The following GNAS variants were observed in gnomAD, a reference collection of about 807,000 sequenced individuals.
GNAS encodes protein ALEX.
In GNAS, 8 loss-of-function variants were observed where a neutral mutation model predicts 54.5. The ratio of observed to expected loss-of-function variants is 0.15; its 90% CI spans 0.09 to 0.26. The LOEUF (loss-of-function observed/expected upper bound fraction) is 0.26, where lower values mean the gene tolerates loss of function less well. Ranked by LOEUF, GNAS falls within the 10% of genes least tolerant of loss-of-function variation. The pLI is 1.00. For synonymous variants in GNAS, 204 were observed against 191.4 expected (o/e 1.07, Z -0.54); for missense variants, 170 against 529.8 (o/e 0.32, Z 6.67).
chr20:58,881,755 A>C (rs749600688), intron 1 of GNAS: 10 of 152,186 alleles, frequency 6.6e-5, no homozygotes, highest in African/African-American at 9.7e-5. Flanking sequence ...GTGAAGGGCT[A>C]GTTTTCCAGA....
At chr20:58,904,157 A>C (rs905069550) in intron 5 of GNAS, among the ~76,000 whole-genome samples, 2 of 152,152 alleles carry the variant, frequency 1.3e-5, no homozygotes, top group Non-Finnish European at 2.9e-5. Context: ...TTATTCCCTC[A>C]TTCACATCTT....
At chr20:58,855,881 C>T in intron 1 of GNAS, 1 of 546,238 alleles carries the variant, frequency 1.8e-6, no homozygotes, top group Non-Finnish European at 3.2e-6. Flanking sequence ...AAATTACCCG[C>T]CGACTGTGTA....
chr20:58,844,780 A>G (rs1343456029), intron 1 of GNAS, among the ~76,000 whole-genome samples: 3 of 151,904 alleles, frequency 2.0e-5, no homozygotes, highest in African/African-American at 7.3e-5. Flanking sequence ...CCCGGCCTAC[A>G]GTGTGAGACT....
intron 1 of GNAS, chr20:58,854,258 G>C: frequency 2.5e-6 from 4 of 1,613,070 alleles, no homozygotes; most frequent in Non-Finnish European, 2.5e-6. Context: ...CCCCAATCGC[G>C]CTTGACGGCC....
rs764619253 is a variant in GNAS, at chr20:58,853,843, G to A, written c.43+12957G>A. The A allele has an allele frequency of 6.3e-6, 10 of 1,595,664 alleles. No individual in the cohort carries two copies. Among genetic ancestry groups the A allele is most frequent in the Middle Eastern group, 1.7e-4 (1 of 6,054 alleles). On this transcript the variant is annotated intron_variant, in intron 1 of 12. Transcript: ENST00000306090. The surrounding 1 kb of genome is among the most constrained non-coding windows in gnomAD (Gnocchi z 4.4). ...GCTCCAGGAGGCCCAGGTGCTGCAGGGGTCCCCGGAGCTCCTCCCGAGGAG... is the reference window on the plus strand; with the variant it reads ...GCTCCAGGAGGCCCAGGTGCTGCAGAGGTCCCCGGAGCTCCTCCCGAGGAG...
Position 58,841,353 on chromosome 20 carries a change from T to A in GNAS, c.43+467T>A, listed in dbSNP as rs1157949549. 2.9e-6 allele frequency: 3 copies of A among 1,048,760 alleles called. No individual in the cohort carries two copies. The highest frequency in any genetic ancestry group is 3.5e-6 in the Non-Finnish European group (3 of 869,130). The allele number at this position is 1,048,760 out of a possible 1,614,324, so 65.0% of individuals were successfully genotyped here. A position where few individuals can be genotyped will look rare whatever the true frequency, so the allele number is the denominator to read the frequency against. ...TTTCACGATGTGAGAGCAGCCGCGC[T>A]GTAGAGACACCGTTGAAATGTGCGG... On this transcript the variant is annotated intron_variant, in intron 1 of 12. Transcript: ENST00000306090. The surrounding 1 kb of genome is among the most constrained non-coding windows in gnomAD (Gnocchi z 5.0).
intron 3 of GNAS, among the ~76,000 whole-genome samples, chr20:58,899,301 A>G (rs1601071039): frequency 6.6e-6 from 1 of 152,276 alleles, no homozygotes; most frequent in African/African-American, 2.4e-5. Flanking sequence ...GTTTTCCCCC[A>G]GCTCTCCATT....
At chr20:58,860,342 T>TTTTTG (rs531282450) in intron 1 of GNAS, among the ~76,000 whole-genome samples, 28 of 152,160 alleles carry the variant, frequency 1.8e-4, no homozygotes, top group East Asian at 9.6e-4. Context: ...TTTTTTGGTT[T>TTTTTG]TTTTGTTTTG....
intron 6 of GNAS, among the ~76,000 whole-genome samples, chr20:58,907,877 C>A (rs915718921): frequency 2.0e-4 from 30 of 152,210 alleles, no homozygotes; most frequent in Middle Eastern, 3.2e-3. Flanking sequence ...ATTTCTTAAG[C>A]TGTCTATTTT....
chr20:58,901,266 C>A (rs1437688097), intron 3 of GNAS, among the ~76,000 whole-genome samples: 1 of 152,132 alleles, frequency 6.6e-6, no homozygotes, highest in Non-Finnish European at 1.5e-5. Flanking sequence ...TAATTTATAA[C>A]ATCTAAATAA....
Position 58,910,505 on chromosome 20 carries a change from T to C in GNAS, c.1038+104T>C. 1 of 1,153,908 alleles carries C rather than the reference T, an allele frequency of 8.7e-7. No individual in the cohort carries two copies. Among genetic ancestry groups the C allele is most frequent in the Non-Finnish European group, 1.3e-6 (1 of 767,866 alleles). The allele number at this position is 1,153,908 out of a possible 1,614,324, so 71.5% of individuals were successfully genotyped here. A position where few individuals can be genotyped will look rare whatever the true frequency, so the allele number is the denominator to read the frequency against. Reference sequence around the variant, plus strand: ...TCAGGGGTTCAGCTACCCAGTTCCATGGTTTTAGTTCACGCACATCCAGTG... The same window carrying C: ...TCAGGGGTTCAGCTACCCAGTTCCACGGTTTTAGTTCACGCACATCCAGTG... On this transcript the variant is annotated intron_variant, in intron 12 of 12. Transcript: ENST00000371085. The surrounding 1 kb of genome is among the most constrained non-coding windows in gnomAD (Gnocchi z 5.8).
intron 1 of GNAS, among the ~76,000 whole-genome samples, chr20:58,893,190 A>G (rs1601001860): frequency 6.7e-6 from 1 of 150,140 alleles, no homozygotes; most frequent in African/African-American, 2.5e-5. Context: ...TTATCAAGTG[A>G]CATTTAGTTG....
Position 58,910,634 on chromosome 20 carries a change from G to T in GNAS, c.1039-49G>T. 1 of 1,609,272 alleles carries T rather than the reference G, an allele frequency of 6.2e-7. No individual in the cohort carries two copies. The highest frequency in any genetic ancestry group is 2.2e-5 in the East Asian group (1 of 44,830). On this transcript the variant is annotated intron_variant, in intron 12 of 12. Transcript: ENST00000371085. The surrounding 1 kb of genome is among the most constrained non-coding windows in gnomAD (Gnocchi z 5.8). ...TAGGTGTCCCCATCAGGGATAGGGTGGTTCCTGGCGAGGGTGTCACTGACA... is the reference window on the plus strand; with the variant it reads ...TAGGTGTCCCCATCAGGGATAGGGTTGTTCCTGGCGAGGGTGTCACTGACA...
At chr20:58,840,075 G>A, upstream of GNAS, 1 of 1,607,698 alleles carries the variant, frequency 6.2e-7, no homozygotes, top group Non-Finnish European at 8.5e-7. The surrounding 1 kb of genome is among the most constrained non-coding windows in gnomAD (Gnocchi z 6.0). Context: ...GAGCCAGAGG[G>A]CAGGCCGGCT....
rs1313353528 is a variant in GNAS, at chr20:58,910,808, T to G, written c.1164T>G (p.Leu388=). ...DCRDIIQRMH[L]RQYELL ...GTGACATCATTCAGCGCATGCACCT[T>G]CGTCAGTACGAGCTGCTCTAAGAAG... Residue 388 remains leucine, a synonymous_variant, in exon 13 of 13, where the codon CTT becomes CTG. Transcript: ENST00000371085. This position sits in a 1 kb window ranked among gnomAD's most constrained non-coding sequence, Gnocchi z 5.8. 1 of 1,614,078 alleles carries G rather than the reference T, an allele frequency of 6.2e-7. No homozygotes were observed. Among genetic ancestry groups the G allele is most frequent in the African/African-American group, 1.3e-5 (1 of 74,926 alleles).
At chr20:58,889,342 CCTCA>C, upstream of GNAS, 1 of 985,854 alleles carries the variant, frequency 1.0e-6, no homozygotes, top group Non-Finnish European at 1.2e-6. Flanking sequence ...TGTGAGTGCA[CCTCA>C]CTCACATGTA....
intron 1 of GNAS, among the ~76,000 whole-genome samples, chr20:58,879,527 T>C (rs1172972198): frequency 6.6e-6 from 1 of 152,232 alleles, no homozygotes; most frequent in African/African-American, 2.4e-5. Context: ...GGATGTTTTG[T>C]CTATAAACAA....
intron 1 of GNAS, among the ~76,000 whole-genome samples, chr20:58,845,596 A>C (rs73129543): frequency 5.4e-4 from 82 of 152,332 alleles, no homozygotes; most frequent in Non-Finnish European, 9.0e-4. Context: ...TTTTTGTTTT[A>C]TAATTTCTTT....
intron 1 of GNAS, chr20:58,854,600 G>T (rs1442429952): frequency 6.5e-7 from 1 of 1,538,830 alleles, no homozygotes; most frequent in Non-Finnish European, 8.7e-7. Flanking sequence ...ACTCCGGGGC[G>T]GCCCCTGACG....
Sources: gnomAD v4.1 joint callset for allele counts (sites outside exome capture counted in the v4.1 genomes callset) on GRCh38, gnomAD v4.1.1 for gene constraint, Gnocchi (gnomAD v3.1) non-coding constraint, MANE v1.5 for transcripts, NCBI Gene and HGNC (gene_info 2026-07-23, HGNC 2026-07-21) for gene names.